The following PCDHA2 variants were observed in gnomAD, a reference collection of about 807,000 sequenced individuals.
PCDHA2 encodes protocadherin alpha-2.
A neutral mutation model predicts 66.0 loss-of-function variants in PCDHA2; 58 were observed. The ratio of observed to expected loss-of-function variants is 0.88; its 90% CI spans 0.71 to 1.09. The LOEUF (loss-of-function observed/expected upper bound fraction) is 1.09. Among genes scored for constraint, PCDHA2 ranks in the 50% least tolerant of loss-of-function variants. The pLI is 0.00. For missense variants in PCDHA2, 1,267 were observed against 1,242.3 expected, an observed-to-expected ratio of 1.02 and a Z score of -0.30; for synonymous variants, 634 against 554.0, an observed-to-expected ratio of 1.14 and a Z score of -2.03.
rs1369948884 is a variant in PCDHA2 at position 140,795,372 on chromosome 5, A to G, written c.408A>G (p.Thr136=). ...INDNPPIFPM[T]VKTIRFPESR... is the part of the protein sequence containing the mutation. ...ACAACCCGCCAATATTTCCAATGACAGTAAAGACTATCCGGTTTCCCGAAT... is the reference window on the plus strand; with the variant it reads ...ACAACCCGCCAATATTTCCAATGACGGTAAAGACTATCCGGTTTCCCGAAT... Residue 136 remains threonine, a synonymous_variant, in exon 1 of 4, where the codon ACA becomes ACG. Coordinates refer to ENST00000526136, the MANE Select transcript of PCDHA2 (RefSeq NM_018905.3). The G allele has an allele frequency of 3.1e-6, 5 of 1,614,060 alleles. No homozygotes were observed. The highest frequency in any genetic ancestry group is 1.7e-5 in the Admixed American group (1 of 60,004).
chr5:140,907,563 A>G (rs1554193054), intron 1 of PCDHA2, among the ~76,000 whole-genome samples: 1 of 152,160 alleles, frequency 6.6e-6, no homozygotes, highest in Admixed American at 6.5e-5. Context: ...AATATAATCA[A>G]CTTGCCACCA....
intron 1 of PCDHA2, chr5:140,816,968 GC>G (rs1277276488): frequency 6.6e-6 from 1 of 152,054 alleles, no homozygotes; most frequent in Non-Finnish European, 1.5e-5. Flanking sequence ...AACTTGGACT[GC>G]CCACTAAAAT....
intron 1 of PCDHA2, among the ~76,000 whole-genome samples, chr5:140,826,676 T>A (rs1377282771): frequency 6.6e-6 from 1 of 152,118 alleles, no homozygotes; most frequent in Non-Finnish European, 1.5e-5. Context: ...GTAGACGTAA[T>A]TAAAAAAACC....
chr5:140,837,199 TTAGTC>T (rs1774954755), intron 1 of PCDHA2: 1 of 152,580 alleles, frequency 6.6e-6, no homozygotes, highest in Non-Finnish European at 1.5e-5. Flanking sequence ...CTTTTTATCT[TTAGTC>T]TAGAACTTGA....
At chr5:140,805,379 T>A in intron 1 of PCDHA2, 1 of 1,119,160 alleles carries the variant, frequency 8.9e-7, no homozygotes, top group Non-Finnish European at 1.1e-6. Context: ...ATAGTGAAAG[T>A]ACTCTGGTTT....
At chr5:140,861,401 G>T in intron 1 of PCDHA2, 1 of 465,630 alleles carries the variant, frequency 2.1e-6, no homozygotes, top group Non-Finnish European at 4.4e-6. Flanking sequence ...TGGAGCTTGT[G>T]GAGCTGATAC....
At chr5:140,947,238 A>G (rs1252869330) in intron 1 of PCDHA2, among the ~76,000 whole-genome samples, 2 of 151,618 alleles carry the variant, frequency 1.3e-5, no homozygotes, top group Non-Finnish European at 3.0e-5. Flanking sequence ...GGAAAAAAAA[A>G]TAAGATAATC....
intron 1 of PCDHA2, chr5:140,843,767 T>A (rs2150366421): frequency 4.0e-6 from 6 of 1,487,048 alleles, no homozygotes; most frequent in African/African-American, 1.4e-5. Context: ...GAAATTGTAG[T>A]TACTTTAAAA....
intron 1 of PCDHA2, chr5:140,967,043 G>A: frequency 6.2e-7 from 1 of 1,612,108 alleles, no homozygotes; most frequent in Non-Finnish European, 8.5e-7. Context: ...CCTGGAGCTG[G>A]ACCTGACGAG....
chr5:140,913,764 T>C (rs2076457452), intron 1 of PCDHA2, among the ~76,000 whole-genome samples: 1 of 152,162 alleles, frequency 6.6e-6, no homozygotes, highest in Admixed American at 6.5e-5. Flanking sequence ...TCATAGGTTT[T>C]GGCATGTTGT....
chr5:140,877,172 C>T, intron 1 of PCDHA2: 2 of 1,613,816 alleles, frequency 1.2e-6, no homozygotes, highest in Non-Finnish European at 1.7e-6. Flanking sequence ...GCACTGCTGG[C>T]GACTCCGGCT....
chr5:140,824,637 T>TTTC (rs1768307351), intron 1 of PCDHA2: 2 of 145,312 alleles, frequency 1.4e-5, no homozygotes, highest in Non-Finnish European at 2.9e-5. Flanking sequence ...TTTTTTATTT[T>TTTC]CTGTAGAGAT....
intron 1 of PCDHA2, chr5:140,808,196 A>G (rs782183352): frequency 6.2e-7 from 1 of 1,614,262 alleles, no homozygotes; most frequent in Non-Finnish European, 8.5e-7. Flanking sequence ...TTGTAGAGTT[A>G]TTGTGGAAGT....
At chr5:140,824,673 T>C (rs1393313065) in intron 1 of PCDHA2, 1 of 143,292 alleles carries the variant, frequency 7.0e-6, no homozygotes, top group Non-Finnish European at 1.5e-5. Flanking sequence ...TTGCCCAGGC[T>C]GGTCTTGAAC....
chr5:140,850,250 G>T (rs2150475592), intron 1 of PCDHA2: 2 of 1,594,024 alleles, frequency 1.3e-6, no homozygotes, highest in South Asian at 2.2e-5. Flanking sequence ...TGCGGTCGGT[G>T]GGCGCCGGCG....
chr5:140,857,818 G>T, intron 1 of PCDHA2: 1 of 1,597,774 alleles, frequency 6.3e-7, no homozygotes, highest in Non-Finnish European at 8.6e-7. Flanking sequence ...GTCACGTGGT[G>T]GCTAAGGTGC....
Position 140,796,608 on chromosome 5 carries a change from C to T in PCDHA2, c.1644C>T (p.Asn548=). ...RDAGVPPLGS[N]VTLQVFVLDE... The stretch of plus-strand genomic sequence containing the variant: ...CGGGCGTGCCGCCTCTGGGCAGCAA[C>T]GTGACGCTGCAGGTGTTCGTGCTGG... The change falls in exon 1 of 4, where the codon AAC becomes AAT. Residue 548 remains asparagine, a synonymous_variant. Coordinates refer to ENST00000526136, the MANE Select transcript of PCDHA2 (RefSeq NM_018905.3). 1 of 1,613,702 alleles carries T rather than the reference C, an allele frequency of 6.2e-7. No homozygotes were observed. The highest frequency in any genetic ancestry group is 8.5e-7 in the Non-Finnish European group (1 of 1,179,884).
At chr5:140,823,630 A>G in intron 1 of PCDHA2, 2 of 1,614,062 alleles carry the variant, frequency 1.2e-6, no homozygotes, top group Non-Finnish European at 1.7e-6. Context: ...CAGTGCGCGC[A>G]TCCCGTTCCG....
At chr5:140,858,260 G>A (rs782801879) in intron 1 of PCDHA2, 2 of 1,597,208 alleles carry the variant, frequency 1.3e-6, no homozygotes, top group South Asian at 2.2e-5. Context: ...GCCCACGCTG[G>A]TGTGCTCTAG....
Sources: allele counts gnomAD v4.1 joint callset (sites outside exome capture counted in the v4.1 genomes callset), GRCh38; gene constraint gnomAD v4.1.1; transcripts MANE v1.5; gene names NCBI Gene and HGNC (gene_info 2026-07-23, HGNC 2026-07-21).